Variants in TDRD5 observed in about 807,000 individuals in gnomAD.
TDRD5 encodes the protein tudor domain-containing protein 5.
Under a neutral mutation model 120.6 loss-of-function variants are expected in TDRD5, and 41 were observed. The observed-to-expected ratio is 0.34, with a 90% CI of 0.26 to 0.44. The LOEUF (loss-of-function observed/expected upper bound fraction) is 0.44. Ranked by LOEUF, TDRD5 falls within the 20% of genes least tolerant of loss-of-function variation. TDRD5 has a pLI of 1.00. For missense variants in TDRD5, 1,006 were observed against 1,221.2 expected, an observed-to-expected ratio of 0.82 and a Z score of 2.63; for synonymous variants, 430 against 433.7, an observed-to-expected ratio of 0.99 and a Z score of 0.11.
intron 16 of TDRD5, among the ~76,000 whole-genome samples, chr1:179,663,931 A>C (rs969707529): frequency 1.3e-5 from 2 of 152,178 alleles, no homozygotes; most frequent in African/African-American, 4.8e-5. Context: ...TTGCTTTGGC[A>C]GAAAGCAGTA....
intron 14 of TDRD5, among the ~76,000 whole-genome samples, chr1:179,657,107 T>C (rs79974347): frequency 0.012 from 1,898 of 152,322 alleles, 33 homozygotes; most frequent in African/African-American, 0.042. Context: ...TTATACTTTT[T>C]CAAAATTGTT....
intron 4 of TDRD5, among the ~76,000 whole-genome samples, chr1:179,601,241 A>G (rs929941183): frequency 1.3e-5 from 2 of 151,804 alleles, no homozygotes; most frequent in Non-Finnish European, 2.9e-5. Flanking sequence ...TGGTTTGGCT[A>G]TTTTGTTTTT....
chr1:179,669,492 C>A, intron 17 of TDRD5, 88 bp downstream of exon 17: 1 of 1,381,554 alleles, frequency 7.2e-7, no homozygotes, highest in Non-Finnish European at 1.0e-6. Context: ...TTATCCCTTG[C>A]AAAATATACC....
At chr1:179,612,299 C>T (rs1410584) in intron 4 of TDRD5, among the ~76,000 whole-genome samples, 36,185 of 152,070 alleles carry the variant, frequency 0.24, 4,817 homozygotes, top group East Asian at 0.35. Flanking sequence ...TGTATCCCAC[C>T]CCTGCCCATT....
chr1:179,640,416 T>A lies in TDRD5; in HGVS notation c.1771T>A (p.Cys591Ser). The change falls in exon 11 of 18, where the codon TGT becomes AGT. Residue 591 changes from cysteine (C) to serine (S), a missense_variant. By Grantham distance (112) the Cys-to-Ser change is moderately radical (BLOSUM62 -1). Transcript: ENST00000444136. ...YTKLPAQAIP[C>S]SLAWVRPVEE... ...AAAGCTTCCAGCTCAGGCTATCCCT[T>A]GTTCTTTGGCTTGGGTGAGACCAGT... is the stretch of plus-strand genomic sequence containing the variant. 6.2e-7 allele frequency: 1 copy of A among 1,614,158 alleles called. No individual in the cohort carries two copies. The highest frequency in any genetic ancestry group is 8.5e-7 in the Non-Finnish European group (1 of 1,179,990).
intron 6 of TDRD5, among the ~76,000 whole-genome samples, chr1:179,622,298 T>C (rs1676883186): frequency 6.6e-6 from 1 of 152,124 alleles, no homozygotes; most frequent in African/African-American, 2.4e-5. Flanking sequence ...TCAGCCAAAT[T>C]TAAAATGAAT....
chr1:179,620,948 T>G, intron 5 of TDRD5, 87 bp from the exon 6 acceptor site: 1 of 1,060,324 alleles, frequency 9.4e-7, no homozygotes, highest in Non-Finnish European at 1.3e-6. Flanking sequence ...TACTTTTGCC[T>G]TTGTTGTTAT....
intron 14 of TDRD5, among the ~76,000 whole-genome samples, chr1:179,654,610 C>G (rs1288836674): frequency 6.6e-6 from 1 of 151,670 alleles, no homozygotes; most frequent in Non-Finnish European, 1.5e-5. Context: ...ACAAAATGTA[C>G]CAAAAAAAAT....
At chr1:179,594,245 ATACT>A (rs1675270223) in intron 3 of TDRD5, among the ~76,000 whole-genome samples, 1 of 152,228 alleles carries the variant, frequency 6.6e-6, no homozygotes, top group Non-Finnish European at 1.5e-5. Flanking sequence ...AAAAGTTAAA[ATACT>A]TAAATTATTA....
intron 5 of TDRD5, among the ~76,000 whole-genome samples, chr1:179,620,680 TTTC>T (rs1383017813): frequency 6.6e-6 from 1 of 152,186 alleles, no homozygotes; most frequent in Non-Finnish European, 1.5e-5. Flanking sequence ...GTTTATTGCA[TTTC>T]TTTTCTAACA....
At chr1:179,690,139 C>T (rs1005282655) in intron 17 of TDRD5, among the ~76,000 whole-genome samples, 4 of 152,196 alleles carry the variant, frequency 2.6e-5, no homozygotes, top group Non-Finnish European at 5.9e-5. Context: ...CCATCTTCTG[C>T]GTTGCTCACA....
At chr1:179,594,204 G>GT (rs2101902556) in intron 3 of TDRD5, among the ~76,000 whole-genome samples, 1 of 152,254 alleles carries the variant, frequency 6.6e-6, no homozygotes, top group South Asian at 2.1e-4. Context: ...TTACATGAAT[G>GT]TGTTCATATA....
chr1:179,615,279 T>C (rs1214995907), intron 4 of TDRD5, among the ~76,000 whole-genome samples: 2 of 152,010 alleles, frequency 1.3e-5, no homozygotes, highest in African/African-American at 2.4e-5. Flanking sequence ...ATGATCTCAA[T>C]ACCTATTTGT....
intron 16 of TDRD5, among the ~76,000 whole-genome samples, chr1:179,664,435 A>T (rs954977922): frequency 2.0e-5 from 3 of 152,130 alleles, no homozygotes; most frequent in African/African-American, 7.2e-5. Flanking sequence ...ACGCTCTCAA[A>T]AAAAACCACC....
At chr1:179,599,070 A>G (rs1675555836) in intron 4 of TDRD5, among the ~76,000 whole-genome samples, 1 of 152,084 alleles carries the variant, frequency 6.6e-6, no homozygotes, top group Non-Finnish European at 1.5e-5. Context: ...TTTTTCCTGA[A>G]TGTATGTTGA....
intron 5 of TDRD5, among the ~76,000 whole-genome samples, chr1:179,619,190 G>A (rs892670303): frequency 6.6e-6 from 1 of 152,130 alleles, no homozygotes; most frequent in Non-Finnish European, 1.5e-5. Flanking sequence ...TTACTAAATT[G>A]CCCTCTAAAA....
At chr1:179,621,198 A>G in intron 6 of TDRD5, 107 bp downstream of exon 6, 1 of 905,100 alleles carries the variant, frequency 1.1e-6, no homozygotes, top group Non-Finnish European at 1.6e-6. Flanking sequence ...ATGCTCTAAA[A>G]CGGAAACATT....
At chr1:179,644,641 C>T (rs1279524524) in intron 11 of TDRD5, among the ~76,000 whole-genome samples, 4 of 151,900 alleles carry the variant, frequency 2.6e-5, no homozygotes, top group East Asian at 1.9e-4. Context: ...TTGTTTTTGG[C>T]GTAAATTGCC....
Position 179,680,048 on chromosome 1 carries a change from T to C in TDRD5, c.2860+10644T>C, listed in dbSNP as rs184470603. 1.6e-4 allele frequency among the ~76,000 whole-genome samples: 25 copies of C among 152,278 alleles called. 1 individual carries two copies. In the East Asian group the frequency reaches 4.8e-3, roughly 29 times the overall value. ...CATTCATTTCAAAATATAATTTCCCTTGTGAATTTTCTTCTTGACCTATTG... is the reference window on the plus strand; with the variant it reads ...CATTCATTTCAAAATATAATTTCCCCTGTGAATTTTCTTCTTGACCTATTG... On this transcript the variant is annotated intron_variant, in intron 17 of 17. Coordinates refer to ENST00000444136, the MANE Select transcript of TDRD5 (RefSeq NM_001199085.3).
Sources: allele counts gnomAD v4.1 joint callset (sites outside exome capture counted in the v4.1 genomes callset), GRCh38; gene constraint gnomAD v4.1.1; transcripts MANE v1.5; gene names NCBI Gene and HGNC (gene_info 2026-07-23, HGNC 2026-07-21).